The following SCNN1B variants were observed in gnomAD, a reference collection of about 807,000 sequenced individuals.
SCNN1B encodes the protein sodium channel epithelial 1 subunit beta, also known as epithelial sodium channel subunit beta.
In SCNN1B, 46 loss-of-function variants were observed where a neutral mutation model predicts 65.3. The observed-to-expected ratio is 0.70, with a 90% CI of 0.56 to 0.90. The LOEUF is 0.90. Among genes scored for constraint, SCNN1B ranks in the 40% least tolerant of loss-of-function variants. The probability of loss-of-function intolerance (pLI) is 0.00; values close to 1 mark genes in which losing one functional copy is unlikely to be tolerated. For missense variants in SCNN1B, 751 were observed against 830.5 expected, an observed-to-expected ratio of 0.90 and a Z score of 1.18; for synonymous variants, 349 against 330.6, an observed-to-expected ratio of 1.06 and a Z score of -0.60.
chr16:23,327,192 C>T (rs1399364872), intron 1 of SCNN1B, among the ~76,000 whole-genome samples: 2 of 152,084 alleles, frequency 1.3e-5, no homozygotes, highest in Non-Finnish European at 2.9e-5. Flanking sequence ...GCTGGGATTA[C>T]AGACAGGAGC....
intron 4 of SCNN1B, among the ~76,000 whole-genome samples, chr16:23,356,550 G>C (rs1323554582): frequency 6.6e-6 from 1 of 151,778 alleles, no homozygotes; most frequent in Non-Finnish European, 1.5e-5. Flanking sequence ...CTTGAGTCCA[G>C]GAGGTCGAAG....
At chr16:23,284,073 G>A (rs757249877) in intron 2 of SCNN1B, among the ~76,000 whole-genome samples, 1 of 152,200 alleles carries the variant, frequency 6.6e-6, no homozygotes, top group Non-Finnish European at 1.5e-5. Context: ...CAATTGACCA[G>A]TTGGCAGTAG....
chr16:23,300,255 G>A (rs1961054715), upstream of SCNN1B, among the ~76,000 whole-genome samples: 1 of 152,068 alleles, frequency 6.6e-6, no homozygotes, highest in Admixed American at 6.6e-5. Flanking sequence ...ATGGGTTGAT[G>A]GGTGCAGCAA....
intron 4 of SCNN1B, among the ~76,000 whole-genome samples, chr16:23,365,470 AAG>A (rs1001502580): frequency 4.9e-5 from 7 of 142,530 alleles, no homozygotes; most frequent in African/African-American, 1.3e-4. Context: ...AGAGAAAGAA[AAG>A]AGAGAAAGAA....
intron 1 of SCNN1B, among the ~76,000 whole-genome samples, chr16:23,339,427 A>C (rs62029379): frequency 6.6e-6 from 1 of 151,318 alleles, no homozygotes; most frequent in Non-Finnish European, 1.5e-5. Context: ...TTTTTTTTAA[A>C]TATAGAGACA....
At chr16:23,300,267 C>G (rs1036465761), upstream of SCNN1B, among the ~76,000 whole-genome samples, 5 of 152,004 alleles carry the variant, frequency 3.3e-5, no homozygotes, top group Non-Finnish European at 7.4e-5. Flanking sequence ...GTGCAGCAAA[C>G]CACCATGGCA....
chr16:23,377,065 G>A (rs1322034882), intron 8 of SCNN1B, 100 bp from the exon 9 acceptor site: 26 of 1,043,176 alleles, frequency 2.5e-5, no homozygotes, highest in Non-Finnish European at 3.2e-5. Context: ...CTAACCACAG[G>A]GCCAGGAGAG....
At chr16:23,378,579 A>C in intron 10 of SCNN1B, 127 bp from the exon 11 acceptor site, 1 of 825,582 alleles carries the variant, frequency 1.2e-6, no homozygotes, top group Admixed American at 1.9e-5. Flanking sequence ...CTCCTCATCC[A>C]AATTGTGATT....
intron 1 of SCNN1B, among the ~76,000 whole-genome samples, chr16:23,343,581 G>GAGA (rs1346226245): frequency 1.4e-5 from 1 of 70,324 alleles, no homozygotes; most frequent in Non-Finnish European, 2.6e-5. Context: ...GAAAGAAAAA[G>GAGA]AGAAAGAAAG....
In SCNN1B at chr16:23,312,552, G is replaced by C. The variant is rs147715248; in HGVS notation, c.-9+10115G>C. Among the ~76,000 whole-genome samples, 509 of 152,250 alleles carry C rather than the reference G, an allele frequency of 3.3e-3. 2 individuals are homozygous for C. Among genetic ancestry groups the C allele is most frequent in the African/African-American group, 0.011 (477 of 41,538 alleles). The stretch of plus-strand genomic sequence containing the variant: ...CTGATAACCTCCAAATGGCTGCTAT[G>C]CTGGTCCTGCCCTGCTTGGAGAAGG... On this transcript the variant is annotated intron_variant, in intron 1 of 12. Coordinates refer to ENST00000343070, the MANE Select transcript of SCNN1B (RefSeq NM_000336.3).
intron 1 of SCNN1B, among the ~76,000 whole-genome samples, chr16:23,334,610 T>G (rs1961898436): frequency 1.3e-5 from 2 of 152,352 alleles, no homozygotes; most frequent in East Asian, 1.9e-4. Context: ...TTCCTTGCTT[T>G]GCTTCCTCAG....
intron 1 of SCNN1B, among the ~76,000 whole-genome samples, chr16:23,306,110 G>T (rs914430506): frequency 1.3e-5 from 2 of 152,228 alleles, no homozygotes; most frequent in South Asian, 4.2e-4. Context: ...GGGCATGGTG[G>T]TGGGTGCCTG....
chr16:23,300,993 C>CATGT (rs3221715), upstream of SCNN1B, among the ~76,000 whole-genome samples: 3 of 148,366 alleles, frequency 2.0e-5, no homozygotes, highest in East Asian at 2.0e-4. Context: ...GTTAAAAACA[C>CATGT]GTGTGTGTGT....
chr16:23,345,800 T>C (rs1407579928), intron 1 of SCNN1B, among the ~76,000 whole-genome samples: 1 of 152,128 alleles, frequency 6.6e-6, no homozygotes, highest in Non-Finnish European at 1.5e-5. Flanking sequence ...GGAACCACAC[T>C]GCCCAGCATG....
intron 5 of SCNN1B, 90 bp downstream of exon 5, chr16:23,368,049 G>A (rs1478453733): frequency 2.0e-6 from 2 of 1,024,828 alleles, no homozygotes; most frequent in Non-Finnish European, 3.1e-6. Flanking sequence ...GTTGCAGGGT[G>A]GGACTGAGGG....
At chr16:23,327,329 C>A (rs1961717570) in intron 1 of SCNN1B, among the ~76,000 whole-genome samples, 1 of 152,040 alleles carries the variant, frequency 6.6e-6, no homozygotes, top group African/African-American at 2.4e-5. Context: ...GCCAGGAGTT[C>A]AAGATCAGCC....
intron 3 of SCNN1B, 30 bp downstream of exon 3, chr16:23,353,104 A>G: frequency 6.2e-7 from 1 of 1,613,338 alleles, no homozygotes; most frequent in East Asian, 2.2e-5. Context: ...ATATCAAGCA[A>G]TGGGCCCCAC....
chr16:23,280,639 G>A (rs1055848514), intron 1 of SCNN1B, among the ~76,000 whole-genome samples: 1 of 152,182 alleles, frequency 6.6e-6, no homozygotes, highest in Non-Finnish European at 1.5e-5. Flanking sequence ...ACTCAAATAT[G>A]TCTGACTTTC....
chr16:23,335,486 C>T (rs1330725292), intron 1 of SCNN1B, among the ~76,000 whole-genome samples: 2 of 142,470 alleles, frequency 1.4e-5, no homozygotes, highest in Non-Finnish European at 3.0e-5. Flanking sequence ...GATGGAGTTT[C>T]TCTCTGTCGC....
Sources: gnomAD v4.1 joint callset for allele counts (sites outside exome capture counted in the v4.1 genomes callset) on GRCh38, gnomAD v4.1.1 for gene constraint, MANE v1.5 for transcripts, NCBI Gene and HGNC (gene_info 2026-07-23, HGNC 2026-07-21) for gene names.